The following LRTM1 variants were observed in gnomAD, a reference collection of about 807,000 sequenced individuals.
LRTM1 encodes leucine-rich repeat and transmembrane domain-containing protein 1.
Under a neutral mutation model 32.4 loss-of-function variants are expected in LRTM1, and 38 were observed. That is an observed-to-expected ratio of 1.17 (90% CI 0.91 to 1.54). The LOEUF (loss-of-function observed/expected upper bound fraction) is 1.54, where lower values mean the gene tolerates loss of function less well. Among genes scored for constraint, LRTM1 ranks in the 40% most tolerant of loss-of-function variants. The pLI is 0.00. For synonymous variants in LRTM1, 186 were observed against 169.9 expected (o/e 1.09, Z -0.74); for missense variants, 466 against 415.4 (o/e 1.12, Z -1.06).
At chr3:54,953,768 G>T (rs993540153) in intron 1 of LRTM1, among the ~76,000 whole-genome samples, 3 of 152,124 alleles carry the variant, frequency 2.0e-5, no homozygotes, top group Non-Finnish European at 4.4e-5. Flanking sequence ...CAGGCTGTGG[G>T]AATCACTGGG....
chr3:54,959,978 A>G (rs902304224), intron 1 of LRTM1, among the ~76,000 whole-genome samples: 6 of 151,982 alleles, frequency 3.9e-5, no homozygotes, highest in Admixed American at 3.9e-4. Flanking sequence ...TTCAACATCA[A>G]TCCAGTCAAG....
chr3:54,943,525 A>G (rs1701530553), intron 1 of LRTM1, among the ~76,000 whole-genome samples: 1 of 152,276 alleles, frequency 6.6e-6, no homozygotes, highest in African/African-American at 2.4e-5. Flanking sequence ...AGGACAATCT[A>G]TGTACATTCT....
intron 1 of LRTM1, among the ~76,000 whole-genome samples, chr3:54,933,744 A>G (rs989077464): frequency 6.7e-6 from 1 of 148,730 alleles, no homozygotes; most frequent in Non-Finnish European, 1.5e-5. Context: ...TTGAATGAAT[A>G]AAGATATTAC....
chr3:54,959,312 G>T (rs1429604848), intron 1 of LRTM1, among the ~76,000 whole-genome samples: 2 of 152,162 alleles, frequency 1.3e-5, no homozygotes, highest in South Asian at 2.1e-4. Flanking sequence ...CTCCACAGGG[G>T]ACTCAGGTCC....
Position 54,921,374 on chromosome 3 carries a change from G to A in LRTM1, c.605-2482C>T, listed in dbSNP as rs1700845656. Among the ~76,000 whole-genome samples, 3 of 152,136 alleles carry A rather than the reference G, an allele frequency of 2.0e-5. No individual in the cohort carries two copies. In the South Asian group the frequency reaches 6.2e-4, roughly 32 times the overall value. ...GACTCAGTTGGATAAAATATATCAA[G>A]TATTTAGCATAATACCTAGCTCAGA... is the stretch of plus-strand genomic sequence containing the variant. On this transcript the variant is annotated intron_variant, in intron 2 of 2. Transcript: ENST00000273286.
Position 54,925,008 on chromosome 3 carries a change from G to T in LRTM1, c.215C>A (p.Ser72Ter). ...IHHLPAFAFRSVPWLMTLNLS... is the reference protein window; with the variant it reads ...IHHLPAFAFR Reference sequence around the variant, plus strand: ...GTTTAAGGTCATGAGCCATGGCACTGACCTAAATGCAAAAGCAGGAAGATG... The same window carrying T: ...GTTTAAGGTCATGAGCCATGGCACTTACCTAAATGCAAAAGCAGGAAGATG... The change falls in exon 2 of 3, where the codon TCA becomes TAA. Residue 72 changes from serine to a stop codon, truncating the protein, a stop_gained. Coordinates refer to ENST00000273286, the MANE Select transcript of LRTM1 (RefSeq NM_020678.4). LOFTEE classifies it high-confidence loss of function. 6.2e-7 allele frequency: 1 copy of T among 1,614,126 alleles called. No individual in the cohort carries two copies. The highest frequency in any genetic ancestry group is 1.1e-5 in the South Asian group (1 of 91,054).
At chr3:54,944,790 A>G (rs1701569990) in intron 1 of LRTM1, among the ~76,000 whole-genome samples, 1 of 150,796 alleles carries the variant, frequency 6.6e-6, no homozygotes, top group South Asian at 2.1e-4. Context: ...ATCTCTGAAT[A>G]TATTGACTGT....
chr3:54,934,882 C>G (rs568123577), intron 1 of LRTM1, among the ~76,000 whole-genome samples: 1 of 152,260 alleles, frequency 6.6e-6, no homozygotes, highest in African/African-American at 2.4e-5. Flanking sequence ...CAGGCACACA[C>G]CACCACACCC....
At chr3:54,964,478 T>G (rs1702098718) in intron 1 of LRTM1, among the ~76,000 whole-genome samples, 1 of 152,200 alleles carries the variant, frequency 6.6e-6, no homozygotes, top group Admixed American at 6.5e-5. Context: ...TTGTTTTCCT[T>G]ATTAAATTAG....
chr3:54,927,076 G>GTT (rs1186287099), intron 1 of LRTM1, among the ~76,000 whole-genome samples: 1 of 152,180 alleles, frequency 6.6e-6, no homozygotes, highest in Non-Finnish European at 1.5e-5. Flanking sequence ...ACTCAAAATA[G>GTT]TTATCTACTC....
At chr3:54,926,893 AGAG>A (rs1701038687) in intron 1 of LRTM1, among the ~76,000 whole-genome samples, 1 of 152,200 alleles carries the variant, frequency 6.6e-6, no homozygotes, top group Non-Finnish European at 1.5e-5. Context: ...CAGGGCTCAG[AGAG>A]GAGATTAAGT....
At chr3:54,954,336 G>A (rs1190038047) in intron 1 of LRTM1, among the ~76,000 whole-genome samples, 1 of 152,152 alleles carries the variant, frequency 6.6e-6, no homozygotes, top group Non-Finnish European at 1.5e-5. Context: ...GTGGCCTCTG[G>A]GAGGCTGTCT....
At position 54,927,974 on chromosome 3, in the gene LRTM1, C is replaced by T. The variant is rs1701074557; in HGVS notation, c.-63G>A. 6 of 1,526,884 alleles carry T rather than the reference C, an allele frequency of 3.9e-6. No homozygotes were observed. The Admixed American group carries it at 5.0e-5, about 13-fold the overall frequency. 94.6% of individuals were successfully genotyped at this position (1,526,884 alleles called of 1,614,324 possible). On this transcript the variant is annotated 5_prime_UTR_variant, in exon 1 of 3. Coordinates refer to ENST00000273286, the MANE Select transcript of LRTM1 (RefSeq NM_020678.4). ...ACCCTTTAATTAATGTGCAGAGCAA[C>T]ACACGAAGGGCATGGCAGACTCAGA... is the stretch of plus-strand genomic sequence containing the variant.
intron 1 of LRTM1, among the ~76,000 whole-genome samples, chr3:54,926,738 T>C (rs1476282402): frequency 6.6e-6 from 1 of 152,192 alleles, no homozygotes; most frequent in Non-Finnish European, 1.5e-5. Context: ...TATTAATATT[T>C]ACCCCCACTC....
chr3:54,918,321 C>CTTTTTTTTTCTT lies in LRTM1; in HGVS notation c.*137_*138insAAGAAAAAAAAA, dbSNP rs1700714215. ...CCAGAAATATTTTTTACAGACACATCTTTTTTTTTTCTTTTTTTTTTTTTT... is the reference window on the plus strand; with the variant it reads ...CCAGAAATATTTTTTACAGACACATCTTTTTTTTTCTTTTTTTTTTTTCTTTTTTTTTTTTTT... On this transcript the variant is annotated 3_prime_UTR_variant, in exon 3 of 3. Coordinates refer to ENST00000273286, the MANE Select transcript of LRTM1 (RefSeq NM_020678.4). 279 of 394,376 alleles carry CTTTTTTTTTCTT rather than the reference C, an allele frequency of 7.1e-4. 2 individuals are homozygous for CTTTTTTTTTCTT. Among genetic ancestry groups the CTTTTTTTTTCTT allele is most frequent in the African/African-American group, 6.1e-3 (208 of 34,102 alleles). 24.4% of individuals were successfully genotyped at this position (394,376 alleles called of 1,614,324 possible). A position where few individuals can be genotyped will look rare whatever the true frequency, so the allele number is the denominator to read the frequency against.
intron 2 of LRTM1, 127 bp from the exon 3 acceptor site, chr3:54,919,019 T>A (rs1270015603): frequency 4.8e-5 from 35 of 725,636 alleles, no homozygotes; most frequent in Non-Finnish European, 6.8e-5. Context: ...AATCCTGGAG[T>A]CAAAGAATTT....
At chr3:54,962,595 T>C (rs1297731353) in intron 1 of LRTM1, among the ~76,000 whole-genome samples, 2 of 152,216 alleles carry the variant, frequency 1.3e-5, no homozygotes, top group Non-Finnish European at 2.9e-5. Flanking sequence ...GGTGCAACTC[T>C]ATTGGTGGAG....
chr3:54,931,531 G>A (rs2106957278), upstream of LRTM1, among the ~76,000 whole-genome samples: 1 of 152,296 alleles, frequency 6.6e-6, no homozygotes, highest in East Asian at 1.9e-4. Context: ...ACCAAGGAGA[G>A]ATGCTGAATG....
chr3:54,932,886 A>G (rs571528795), upstream of LRTM1, among the ~76,000 whole-genome samples: 10 of 152,348 alleles, frequency 6.6e-5, 1 homozygote, highest in African/African-American at 2.2e-4. Context: ...CCACAAATCC[A>G]TGCAGAAATT....
Sources: allele counts gnomAD v4.1 joint callset (sites outside exome capture counted in the v4.1 genomes callset), GRCh38; gene constraint gnomAD v4.1.1; transcripts MANE v1.5; gene names NCBI Gene and HGNC (gene_info 2026-07-23, HGNC 2026-07-21).